WWOX: variants seen among roughly 807,000 people sequenced by gnomAD.
WWOX encodes the protein WW domain-containing oxidoreductase.
A neutral mutation model predicts 46.2 loss-of-function variants in WWOX; 69 were observed. That is an observed-to-expected ratio of 1.49 (90% CI 1.23 to 1.82). The LOEUF is 1.82. WWOX is among the 40% of genes most tolerant of loss of function. The pLI is 0.00. For missense variants in WWOX, 919 were observed against 542.6 expected (o/e 1.69, Z -6.89); for synonymous variants, 359 against 202.6 (o/e 1.77, Z -6.56).
chr16:78,445,915 G>C (rs890180776), intron 8 of WWOX, among the ~76,000 whole-genome samples: 2 of 152,030 alleles, frequency 1.3e-5, no homozygotes, highest in Non-Finnish European at 2.9e-5. Flanking sequence ...GGAAAGAAGA[G>C]AAACAGCTTT....
At chr16:78,986,961 G>A (rs1448309068) in intron 8 of WWOX, among the ~76,000 whole-genome samples, 1 of 152,084 alleles carries the variant, frequency 6.6e-6, no homozygotes, top group East Asian at 1.9e-4. Flanking sequence ...CCCACCAAGA[G>A]CATGGTCAGG....
intron 8 of WWOX, among the ~76,000 whole-genome samples, chr16:79,117,633 T>C (rs944533607): frequency 1.3e-5 from 2 of 152,242 alleles, no homozygotes; most frequent in African/African-American, 4.8e-5. Context: ...CAGAAAGCTG[T>C]TTTGTCTACA....
intron 8 of WWOX, among the ~76,000 whole-genome samples, chr16:78,889,503 C>G (rs1349170693): frequency 6.6e-6 from 1 of 152,006 alleles, no homozygotes; most frequent in Non-Finnish European, 1.5e-5. Flanking sequence ...GTTGCAGCTT[C>G]AAATATAATG....
chr16:79,186,997 C>G (rs763950151), intron 8 of WWOX, among the ~76,000 whole-genome samples: 5 of 152,064 alleles, frequency 3.3e-5, no homozygotes, highest in Non-Finnish European at 5.9e-5. Flanking sequence ...GCCAGAAGTG[C>G]TTGAGAAAAT....
intron 8 of WWOX, among the ~76,000 whole-genome samples, chr16:78,596,176 G>A (rs202186559): frequency 1.7e-4 from 25 of 145,594 alleles, no homozygotes; most frequent in African/African-American, 5.7e-4. Context: ...TATCTTTTGA[G>A]TGATATCAAC....
chr16:79,126,986 T>C (rs1338245039), intron 8 of WWOX, among the ~76,000 whole-genome samples: 1 of 152,136 alleles, frequency 6.6e-6, no homozygotes, highest in African/African-American at 2.4e-5. Flanking sequence ...CTGGCTTATG[T>C]GGCCACTGCT....
At chr16:78,311,168 C>T (rs1185018313) in intron 5 of WWOX, among the ~76,000 whole-genome samples, 3 of 152,050 alleles carry the variant, frequency 2.0e-5, no homozygotes, top group African/African-American at 4.8e-5. Flanking sequence ...TGAGCAATTT[C>T]TGGCAGCTTT....
At chr16:79,139,071 A>T (rs1035426260) in intron 8 of WWOX, among the ~76,000 whole-genome samples, 4 of 152,198 alleles carry the variant, frequency 2.6e-5, no homozygotes, top group African/African-American at 9.7e-5. Context: ...CAGCGTTCAC[A>T]CATGGTTCCG....
intron 5 of WWOX, among the ~76,000 whole-genome samples, chr16:78,214,667 G>T (rs1294505205): frequency 6.6e-6 from 1 of 152,206 alleles, no homozygotes; most frequent in Non-Finnish European, 1.5e-5. Context: ...CTAAAAGCAA[G>T]GCAAGGCCTT....
intron 8 of WWOX, among the ~76,000 whole-genome samples, chr16:78,742,395 G>A (rs983073090): frequency 3.3e-5 from 5 of 152,120 alleles, no homozygotes; most frequent in African/African-American, 7.2e-5. Flanking sequence ...GTGTTTCAGC[G>A]CCCTGGCTTC....
intron 8 of WWOX, among the ~76,000 whole-genome samples, chr16:78,974,304 T>C (rs2046529603): frequency 6.6e-6 from 1 of 152,224 alleles, no homozygotes; most frequent in Non-Finnish European, 1.5e-5. Flanking sequence ...AATAACCGCC[T>C]TCCAGTACAG....
At chr16:79,050,317 G>C (rs1347161534) in intron 8 of WWOX, among the ~76,000 whole-genome samples, 2 of 152,272 alleles carry the variant, frequency 1.3e-5, no homozygotes, top group East Asian at 3.9e-4. Context: ...GGACATGGGT[G>C]GGGCACTTTA....
At chr16:78,930,768 C>T (rs927622633) in intron 8 of WWOX, among the ~76,000 whole-genome samples, 4 of 152,060 alleles carry the variant, frequency 2.6e-5, no homozygotes, top group African/African-American at 9.7e-5. Context: ...TGGCAAGGTT[C>T]CACGGCACCT....
At chr16:78,280,011 A>T (rs1379535043) in intron 5 of WWOX, among the ~76,000 whole-genome samples, 2 of 152,228 alleles carry the variant, frequency 1.3e-5, no homozygotes, top group Non-Finnish European at 2.9e-5. Context: ...TCCTCTGCAA[A>T]AGTCATCAAA....
chr16:79,151,593 C>T (rs1468969093), intron 8 of WWOX, among the ~76,000 whole-genome samples: 1 of 152,232 alleles, frequency 6.6e-6, no homozygotes, highest in Non-Finnish European at 1.5e-5. Flanking sequence ...TCACCCTCTG[C>T]TTATGGGCTG....
chr16:78,165,083 G>T (rs2034927696), intron 5 of WWOX, among the ~76,000 whole-genome samples: 2 of 152,222 alleles, frequency 1.3e-5, no homozygotes, highest in South Asian at 4.1e-4. Context: ...AGCTAGTGTG[G>T]CTGGAGATGA....
At chr16:79,139,021 T>C (rs1257648441) in intron 8 of WWOX, among the ~76,000 whole-genome samples, 1 of 152,102 alleles carries the variant, frequency 6.6e-6, no homozygotes, top group African/African-American at 2.4e-5. Context: ...TCCTGAAATA[T>C]TACAGAAACT....
At chr16:79,090,015 TG>T (rs1259162650) in intron 8 of WWOX, 1 of 151,654 alleles carries the variant, frequency 6.6e-6, no homozygotes, top group Non-Finnish European at 1.5e-5. Context: ...GTTAAGGAAC[TG>T]GCTTTGACAG....
At chr16:78,952,245 C>A (rs2046075465) in intron 8 of WWOX, among the ~76,000 whole-genome samples, 1 of 152,126 alleles carries the variant, frequency 6.6e-6, no homozygotes, top group Non-Finnish European at 1.5e-5. Context: ...CTTTATATTT[C>A]AACTCAGTGG....
Sources: gnomAD v4.1 joint callset for allele counts (sites outside exome capture counted in the v4.1 genomes callset) on GRCh38, gnomAD v4.1.1 for gene constraint, MANE v1.5 for transcripts, NCBI Gene and HGNC (gene_info 2026-07-23, HGNC 2026-07-21) for gene names.